Variants in DNAH10 observed in about 807,000 individuals in gnomAD.
The protein encoded by DNAH10 is dynein axonemal heavy chain 10.
In DNAH10, 348 loss-of-function variants were observed where a neutral mutation model predicts 506.6. The ratio of observed to expected loss-of-function variants is 0.69; its 90% CI spans 0.63 to 0.75. The LOEUF (loss-of-function observed/expected upper bound fraction) is 0.75. Ranked by LOEUF, DNAH10 falls within the 30% of genes least tolerant of loss-of-function variation. The pLI is 0.00. For synonymous variants in DNAH10, 2,059 were observed against 2,198.6 expected (o/e 0.94, Z 1.78); for missense variants, 5,179 against 5,787.1 (o/e 0.89, Z 3.41).
chr12:123,856,991 AAC>A lies in DNAH10; in HGVS notation c.6439-61_6439-60del, dbSNP rs1951418419. 3 of 1,366,652 alleles carry A rather than the reference AAC, an allele frequency of 2.2e-6. No homozygotes were observed. In the African/African-American group the frequency reaches 4.4e-5, roughly 20 times the overall value. 84.7% of individuals were successfully genotyped at this position (1,366,652 alleles called of 1,614,324 possible). On this transcript the variant is annotated intron_variant, in intron 36 of 78. Coordinates refer to ENST00000673944, the MANE Select transcript of DNAH10 (RefSeq NM_001372106.1). ...ATAAGAGTGTTACCACTGGGTTGGA[AAC>A]ACAGTCCAAAGCACTGGGTTCCTTT...
chr12:123,820,818 T>G, intron 24 of DNAH10, 60 bp downstream of exon 24: 1 of 1,571,182 alleles, frequency 6.4e-7, no homozygotes, highest in Non-Finnish European at 8.7e-7. Context: ...AGGAATTACT[T>G]AAGCCCTGCA....
In DNAH10 at chr12:123,870,419, G is replaced by C. The variant is rs1268012218; in HGVS notation, c.7573G>C (p.Val2525Leu). 6.2e-7 allele frequency: 1 copy of C among 1,613,784 alleles called. No individual in the cohort carries two copies. The highest frequency in any genetic ancestry group is 8.5e-7 in the Non-Finnish European group (1 of 1,179,878). The change falls in exon 44 of 79, where the codon GTC (valine) becomes CTC (leucine). Residue 2525 changes from valine to leucine, a missense_variant. Around this residue, in one of 3 missense-constraint regions of DNAH10, gnomAD observed 4,844 missense variants for 5,430.5 expected, o/e 0.89. Coordinates refer to ENST00000673944, the MANE Select transcript of DNAH10 (RefSeq NM_001372106.1). The part of the protein sequence containing the change: ...FHFDNKRNQW[V>L]PWSKLVPEYI... ...TTTTGATAACAAACGGAATCAATGG[G>C]TCCCATGGAGTAAATTAGTTCCAGA... is the stretch of plus-strand genomic sequence containing the variant.
chr12:123,870,827 G>A (rs932330814), intron 44 of DNAH10, among the ~76,000 whole-genome samples: 3 of 152,170 alleles, frequency 2.0e-5, no homozygotes, highest in East Asian at 1.9e-4. Context: ...GGGACTAGAC[G>A]GCAACGAACG....
Position 123,917,508 on chromosome 12 carries a change from C to A in DNAH10, c.11003-76C>A. On this transcript the variant is annotated intron_variant, in intron 63 of 78. Coordinates refer to ENST00000673944, the MANE Select transcript of DNAH10 (RefSeq NM_001372106.1). The surrounding 1 kb of genome is among the most constrained non-coding windows in gnomAD (Gnocchi z 5.6). ...TGGCTGAGACCCGCGCTAAGCTTGT[C>A]CCGTCACAGCAGGGCAGCGGGAGAG... The A allele has an allele frequency of 7.0e-7, 1 of 1,437,018 alleles. No homozygotes were observed. Among genetic ancestry groups the A allele is most frequent in the Non-Finnish European group, 9.5e-7 (1 of 1,056,532 alleles). 89.0% of individuals were successfully genotyped at this position (1,437,018 alleles called of 1,614,324 possible).
intron 28 of DNAH10, among the ~76,000 whole-genome samples, chr12:123,837,668 C>T (rs894070380): frequency 6.6e-6 from 1 of 151,080 alleles, no homozygotes; most frequent in Non-Finnish European, 1.5e-5. Context: ...CCTCCAACTC[C>T]TGGGCTCATA....
intron 26 of DNAH10, among the ~76,000 whole-genome samples, chr12:123,832,640 G>A (rs973170193): frequency 1.6e-4 from 25 of 152,094 alleles, no homozygotes; most frequent in African/African-American, 5.6e-4. Context: ...ACCGCACCCG[G>A]CCTCAATATA....
chr12:123,892,168 A>C (rs1953012186), intron 52 of DNAH10, among the ~76,000 whole-genome samples: 1 of 152,182 alleles, frequency 6.6e-6, no homozygotes, highest in South Asian at 2.1e-4. Flanking sequence ...AATACCTTAG[A>C]CTGGTTTTTT....
Position 123,796,657 on chromosome 12 carries a change from T to G in DNAH10, c.1988T>G (p.Ile663Ser), listed in dbSNP as rs371096922. 5 of 1,601,582 alleles carry G rather than the reference T, an allele frequency of 3.1e-6. No individual in the cohort carries two copies. Among genetic ancestry groups the G allele is most frequent in the Non-Finnish European group, 3.4e-6 (4 of 1,174,216 alleles). ...AGAAGCTGTTTGATTGCTTTTCAGA[T>G]TGACATCATTAATAAAATCTTTGTC... ...NDILAQYCKEIDIINKIFVQN... is the reference protein window; with the variant it reads ...NDILAQYCKESDIINKIFVQN... Residue 663 changes from isoleucine (I) to serine (S), a missense_variant and splice_region_variant, in exon 13 of 79, where the codon ATT becomes AGT. By Grantham distance (142) the Ile-to-Ser change is moderately radical. Coordinates refer to ENST00000673944, the MANE Select transcript of DNAH10 (RefSeq NM_001372106.1).
intron 13 of DNAH10, among the ~76,000 whole-genome samples, chr12:123,797,649 G>C (rs565281928): frequency 1.3e-5 from 2 of 152,242 alleles, no homozygotes; most frequent in Non-Finnish European, 1.5e-5. Flanking sequence ...TGTCCACCTC[G>C]GCCTCCCAAA....
rs1242664394 is a variant in DNAH10 at position 123,848,811 on chromosome 12, G to A, written c.6031G>A (p.Val2011Met). The A allele has an allele frequency of 5.6e-6, 9 of 1,613,894 alleles. No individual in the cohort carries two copies. Among genetic ancestry groups the A allele is most frequent in the Non-Finnish European group, 7.6e-6 (9 of 1,179,862 alleles). ...FDEFNRIDASVLSVISSQIQT... is the reference protein window; with the variant it reads ...FDEFNRIDASMLSVISSQIQT... ...TGAGTTTAATCGAATCGATGCTTCT[G>A]TGCTCTCCGTGATCTCCTCCCAGAT... Residue 2011 changes from valine (V) to methionine (M), a missense_variant, in exon 34 of 79, where the codon GTG (valine) becomes ATG (methionine). Physicochemically the swap from Val to Met is conservative, Grantham distance 21. Coordinates refer to ENST00000673944, the MANE Select transcript of DNAH10 (RefSeq NM_001372106.1).
intron 39 of DNAH10, among the ~76,000 whole-genome samples, chr12:123,862,112 C>T (rs752535426): frequency 3.9e-5 from 6 of 152,172 alleles, no homozygotes; most frequent in Non-Finnish European, 5.9e-5. Context: ...TGTCCTTCTC[C>T]GCATCTCATC....
chr12:123,788,140 C>T (rs1957935742), intron 10 of DNAH10, 138 bp downstream of exon 10: 3 of 1,002,218 alleles, frequency 3.0e-6, no homozygotes, highest in South Asian at 1.4e-5. Context: ...AAAGAACCTA[C>T]GGAATATACT....
Position 123,787,515 on chromosome 12 carries a change from C to T in DNAH10, c.1422-289C>T, listed in dbSNP as rs1957901496. Among the ~76,000 whole-genome samples, 1 of 152,266 alleles carries T rather than the reference C, an allele frequency of 6.6e-6. No individual in the cohort carries two copies. Among genetic ancestry groups the T allele is most frequent in the South Asian group, 2.1e-4 (1 of 4,838 alleles). On this transcript the variant is annotated intron_variant, in intron 9 of 78. Coordinates refer to ENST00000673944, the MANE Select transcript of DNAH10 (RefSeq NM_001372106.1). The surrounding 1 kb of genome is among the most constrained non-coding windows in gnomAD (Gnocchi z 4.6). ...GCAGCTGCCGCTGTTGACCTCTGGC[C>T]TGGGGCCAAGGCCACCTGCCCCTTC... is the stretch of plus-strand genomic sequence containing the variant.
At position 123,879,476 on chromosome 12, in the gene DNAH10, G is replaced by C; in HGVS notation, c.8466+119G>C. On this transcript the variant is annotated intron_variant, in intron 49 of 78. Transcript: ENST00000673944. ...AAAATAGGCACGAAAGGTCAATGGGGCAAAGGAGGGTGGGTGGGTTATTAA... is the reference window on the plus strand; with the variant it reads ...AAAATAGGCACGAAAGGTCAATGGGCCAAAGGAGGGTGGGTGGGTTATTAA... The C allele has an allele frequency of 2.1e-6, 3 of 1,433,610 alleles. No homozygotes were observed. The South Asian group carries it at 4.0e-5, about 19-fold the overall frequency. The allele number at this position is 1,433,610 out of a possible 1,614,324, so 88.8% of individuals were successfully genotyped here. A position where few individuals can be genotyped will look rare whatever the true frequency, so the allele number is the denominator to read the frequency against.
At chr12:123,878,761 TG>T (rs1286397598) in intron 48 of DNAH10, among the ~76,000 whole-genome samples, 1 of 152,100 alleles carries the variant, frequency 6.6e-6, no homozygotes, top group Non-Finnish European at 1.5e-5. Context: ...TAGCTGAGTG[TG>T]GTGGTATGTA....
intron 40 of DNAH10, among the ~76,000 whole-genome samples, 154 bp from the exon 41 acceptor site, chr12:123,865,797 G>A (rs1423863368): frequency 6.6e-6 from 1 of 152,094 alleles, no homozygotes; most frequent in Non-Finnish European, 1.5e-5. Flanking sequence ...CAAAATCCCA[G>A]GTGTTCAGTT....
In DNAH10 at chr12:123,928,230, A is replaced by G; in HGVS notation, c.12106-157A>G. The stretch of plus-strand genomic sequence containing the variant: ...CCATGGGGTTTCTCAAAGATGGTTT[A>G]TTTGAAGGCTCCACCTGTAGCTCCT... On this transcript the variant is annotated intron_variant, in intron 69 of 78. Transcript: ENST00000673944. This position sits in a 1 kb window ranked among gnomAD's most constrained non-coding sequence, Gnocchi z 4.9. The G allele has an allele frequency of 1.2e-6, 1 of 811,100 alleles. No individual in the cohort carries two copies. The highest frequency in any genetic ancestry group is 1.9e-6 in the Non-Finnish European group (1 of 526,690). The allele number at this position is 811,100 out of a possible 1,614,324, so 50.2% of individuals were successfully genotyped here. A position where few individuals can be genotyped will look rare whatever the true frequency, so the allele number is the denominator to read the frequency against.
intron 30 of DNAH10, among the ~76,000 whole-genome samples, chr12:123,843,128 A>G (rs1375343793): frequency 6.6e-6 from 1 of 152,254 alleles, no homozygotes; most frequent in African/African-American, 2.4e-5. Context: ...GGAAGAGAGT[A>G]AGGGAATGCA....
At chr12:123,837,761 T>C (rs1240905186) in intron 28 of DNAH10, among the ~76,000 whole-genome samples, 3 of 150,698 alleles carry the variant, frequency 2.0e-5, no homozygotes, top group African/African-American at 7.3e-5. Flanking sequence ...AAAAAAATTT[T>C]TTTTTTTTTT....
Sources: gnomAD v4.1 joint callset for allele counts (sites outside exome capture counted in the v4.1 genomes callset) on GRCh38, gnomAD v4.1.1 for gene constraint, gnomAD v4.1.1 regional missense constraint, Gnocchi (gnomAD v3.1) non-coding constraint, MANE v1.5 for transcripts, NCBI Gene and HGNC (gene_info 2026-07-23, HGNC 2026-07-21) for gene names.